TRIM25: variants seen among roughly 807,000 people sequenced by gnomAD.
The protein encoded by TRIM25 is E3 ubiquitin/ISG15 ligase TRIM25.
In TRIM25, 45 loss-of-function variants were observed where a neutral mutation model predicts 65.2. The observed-to-expected ratio is 0.69, with a 90% CI of 0.54 to 0.89. The LOEUF (loss-of-function observed/expected upper bound fraction) is 0.89, where lower values mean the gene tolerates loss of function less well. Ranked by LOEUF, TRIM25 falls within the 40% of genes least tolerant of loss-of-function variation. The pLI is 0.00. For missense variants in TRIM25, 714 were observed against 803.7 expected (o/e 0.89, Z 1.35); for synonymous variants, 321 against 340.4 (o/e 0.94, Z 0.63).
intron 4 of TRIM25, among the ~76,000 whole-genome samples, chr17:56,899,538 G>C (rs1280457102): frequency 1.3e-5 from 2 of 152,134 alleles, no homozygotes; most frequent in East Asian, 3.9e-4. Flanking sequence ...GTCATGTAGC[G>C]GAGGCTGGGT....
rs1474702383 is a variant in TRIM25 at position 56,904,485 on chromosome 17, T to C, written c.697A>G (p.Thr233Ala). 1 of 1,614,032 alleles carries C rather than the reference T, an allele frequency of 6.2e-7. No individual in the cohort carries two copies. The highest frequency in any genetic ancestry group is 8.5e-7 in the Non-Finnish European group (1 of 1,179,974). ...VRNRQQDVRM[T>A]ANRKVEQLQQ... Reference sequence around the variant, plus strand: ...AGCTGCTCCACCTTTCTGTTTGCAGTCATCTGAGAGGGCCAAGGTAAGAGG... The same window carrying C: ...AGCTGCTCCACCTTTCTGTTTGCAGCCATCTGAGAGGGCCAAGGTAAGAGG... Residue 233 changes from threonine (T) to alanine (A), a missense_variant, in exon 3 of 9, where the codon ACT becomes GCT. Thr to Ala is a moderately conservative substitution (Grantham distance 58, BLOSUM62 0). This residue lies in a region of TRIM25 where 413 missense variants were observed against 498.2 expected (regional missense o/e 0.83). Coordinates refer to ENST00000316881, the MANE Select transcript of TRIM25 (RefSeq NM_005082.5).
chr17:56,908,542 T>C lies in TRIM25; in HGVS notation c.619A>G (p.Thr207Ala). ...CCGTTGATCTGACTGTACATGACAG[T>C]TAGTTTGTGCCTCAGGGTGGCCTGC... ...DLEATLRHKL[T>A]VMYSQINGAS... The change falls in exon 2 of 9, where the codon ACT becomes GCT. Residue 207 changes from threonine (T) to alanine (A), a missense_variant. By Grantham distance (58) the Thr-to-Ala change is moderately conservative (BLOSUM62 0). Transcript: ENST00000316881. 1.2e-6 allele frequency: 2 copies of C among 1,613,934 alleles called. No individual in the cohort carries two copies. Among genetic ancestry groups the C allele is most frequent in the Non-Finnish European group, 1.7e-6 (2 of 1,180,004 alleles).
Position 56,891,762 on chromosome 17 carries a change from A to T in TRIM25, c.1831T>A (p.Leu611Met). ...GAAAATACCCAGAAAGCCGGGTACA[A>T]AGCCTCAGTAAAGTCCACCCTGAAC... ...YKFRVDFTEA[L>M]YPAFWVFSAG... The change falls in exon 9 of 9, where the codon TTG (leucine) becomes ATG (methionine). Residue 611 changes from leucine to methionine, a missense_variant. By Grantham distance (15) the Leu-to-Met change is conservative. Around this residue, in one of 3 missense-constraint regions of TRIM25, gnomAD observed 413 missense variants for 498.2 expected, o/e 0.83. Transcript: ENST00000316881. 1 of 1,614,172 alleles carries T rather than the reference A, an allele frequency of 6.2e-7. No individual in the cohort carries two copies. The highest frequency in any genetic ancestry group is 8.5e-7 in the Non-Finnish European group (1 of 1,180,018).
intron 2 of TRIM25, 51 bp downstream of exon 2, chr17:56,908,417 G>T: frequency 6.3e-7 from 1 of 1,579,522 alleles, no homozygotes. Context: ...CCGCGTGGAA[G>T]CTGAGCGAAG....
At position 56,913,273 on chromosome 17, in the gene TRIM25, C is replaced by T. The variant is rs1909664747; in HGVS notation, c.597+119G>A. On this transcript the variant is annotated intron_variant, in intron 1 of 8. Transcript: ENST00000316881. The surrounding 1 kb of genome is among the most constrained non-coding windows in gnomAD (Gnocchi z 6.1). ...TACTCTGACATTGGAGATGCCCCGG[C>T]CTCGAATTCAGGCCCATCTCCCCAG... The T allele has an allele frequency of 7.1e-6, 6 of 846,730 alleles. No individual in the cohort carries two copies. The South Asian group carries it at 1.0e-4, about 14-fold the overall frequency. The allele number at this position is 846,730 out of a possible 1,614,324, so 52.5% of individuals were successfully genotyped here.
intron 2 of TRIM25, among the ~76,000 whole-genome samples, chr17:56,905,022 A>G (rs1909492446): frequency 6.6e-6 from 1 of 152,216 alleles, no homozygotes; most frequent in Non-Finnish European, 1.5e-5. Flanking sequence ...TAAATTCAGG[A>G]GAGTGGTTAC....
chr17:56,903,161 G>T lies in TRIM25; in HGVS notation c.927+1094C>A, dbSNP rs542418125. Among the ~76,000 whole-genome samples, 3 of 152,318 alleles carry T rather than the reference G, an allele frequency of 2.0e-5. No homozygotes were observed. In the East Asian group the frequency reaches 5.8e-4, roughly 29 times the overall value. On this transcript the variant is annotated intron_variant, in intron 3 of 8. Transcript: ENST00000316881. ...CACACCTGTAATCTCAGCACTTTGGGAGGCCGAGGTGGGTGGATCACCTGA... is the reference window on the plus strand; with the variant it reads ...CACACCTGTAATCTCAGCACTTTGGTAGGCCGAGGTGGGTGGATCACCTGA...
chr17:56,901,197 A>G (rs1021516443), intron 4 of TRIM25, among the ~76,000 whole-genome samples: 2 of 152,214 alleles, frequency 1.3e-5, no homozygotes, highest in Non-Finnish European at 2.9e-5. Context: ...AAGTCCAAGC[A>G]TTAACATCAA....
At chr17:56,907,028 A>T (rs1011909685) in intron 2 of TRIM25, among the ~76,000 whole-genome samples, 8 of 152,188 alleles carry the variant, frequency 5.3e-5, no homozygotes, top group Admixed American at 2.0e-4. Flanking sequence ...CACTTGTGTA[A>T]AGGAAAATTG....
chr17:56,891,575 T>TCCC lies in TRIM25; in HGVS notation c.*122_*124dup. 2 of 333,828 alleles carry TCCC rather than the reference T, an allele frequency of 6.0e-6. No individual in the cohort carries two copies. Among genetic ancestry groups the TCCC allele is most frequent in the Non-Finnish European group, 1.0e-5 (2 of 194,172 alleles). The allele number at this position is 333,828 out of a possible 1,614,324, so 20.7% of individuals were successfully genotyped here. The stretch of plus-strand genomic sequence containing the variant: ...TCCCACCTCCCACCCTCCCGCCAGC[T>TCCC]CCCCTCCCATGCTCCCAATCCTTGG... On this transcript the variant is annotated 3_prime_UTR_variant, in exon 9 of 9. Transcript: ENST00000316881.
rs569798098 is a variant in TRIM25, at chr17:56,895,668, T to C, written c.1181-64A>G. The C allele has an allele frequency of 1.7e-5, 25 of 1,467,956 alleles. No individual in the cohort carries two copies. The East Asian group carries it at 5.5e-4, about 32-fold the overall frequency. The allele number at this position is 1,467,956 out of a possible 1,614,324, so 90.9% of individuals were successfully genotyped here. A position where few individuals can be genotyped will look rare whatever the true frequency, so the allele number is the denominator to read the frequency against. ...GGATGGCCTCTACTCCCTTCCACAC[T>C]GATTAAGAGCCACTTCTACAAACAC... On this transcript the variant is annotated intron_variant, in intron 6 of 8. Transcript: ENST00000316881.
intron 1 of TRIM25, among the ~76,000 whole-genome samples, chr17:56,910,333 C>G (rs1340421174): frequency 1.3e-5 from 2 of 152,148 alleles, no homozygotes; most frequent in African/African-American, 4.8e-5. Flanking sequence ...GGACCAAGGC[C>G]ACACTAACTC....
At position 56,888,345 on chromosome 17, in the gene TRIM25, G is replaced by A. The variant is rs1909097348; in HGVS notation, c.*3355C>T. The A allele has an allele frequency of 6.6e-6, 1 of 152,148 alleles. No individual in the cohort carries two copies. Among genetic ancestry groups the A allele is most frequent in the South Asian group, 2.1e-4 (1 of 4,832 alleles). The allele number at this position is 152,148 out of a possible 1,614,324, so 9.4% of individuals were successfully genotyped here. On this transcript the variant is annotated 3_prime_UTR_variant, in exon 9 of 9. Coordinates refer to ENST00000316881, the MANE Select transcript of TRIM25 (RefSeq NM_005082.5). ...TATTACCCTGGAAATGTCAAGGACTGAAAGTCTCCCTCCCAGGAAGCAGGG... is the reference window on the plus strand; with the variant it reads ...TATTACCCTGGAAATGTCAAGGACTAAAAGTCTCCCTCCCAGGAAGCAGGG...
At chr17:56,901,231 G>A (rs1160203481) in intron 4 of TRIM25, among the ~76,000 whole-genome samples, 188 bp downstream of exon 4, 2 of 152,182 alleles carry the variant, frequency 1.3e-5, no homozygotes, top group Non-Finnish European at 2.9e-5. Flanking sequence ...CTTTAGGAAA[G>A]ATCCTAAAAT....
At position 56,895,848 on chromosome 17, in the gene TRIM25, T is replaced by C. The variant is rs1224575825; in HGVS notation, c.1180+78A>G. On this transcript the variant is annotated intron_variant, in intron 6 of 8. Transcript: ENST00000316881. Reference sequence around the variant, plus strand: ...CATCACAGAACCCTGATGAGAGAGGTCGACTCTCACTACCAGCATTTAGTT... The same window carrying C: ...CATCACAGAACCCTGATGAGAGAGGCCGACTCTCACTACCAGCATTTAGTT... 12 of 1,549,286 alleles carry C rather than the reference T, an allele frequency of 7.7e-6. No homozygotes were observed. The Admixed American group carries it at 2.1e-4, about 27-fold the overall frequency.
At position 56,904,354 on chromosome 17, in the gene TRIM25, G is replaced by C. The variant is rs1567841195; in HGVS notation, c.828C>G (p.Thr276=). 6.2e-7 allele frequency: 1 copy of C among 1,614,056 alleles called. No individual in the cohort carries two copies. The highest frequency in any genetic ancestry group is 1.3e-5 in the African/African-American group (1 of 75,002). The change falls in exon 3 of 9, where the codon ACC becomes ACG. Residue 276 remains threonine (T), a synonymous_variant. Coordinates refer to ENST00000316881, the MANE Select transcript of TRIM25 (RefSeq NM_005082.5). ...EEKRVNSKFD[T]IYQILLKKKS... ...TCTTCTTGAGGAGAATCTGATAAAT[G>C]GTGTCAAACTTGCTGTTGACCCTCT...
Position 56,891,951 on chromosome 17 carries a change from A to C in TRIM25, c.1642T>G (p.Ser548Ala). The C allele has an allele frequency of 6.2e-7, 1 of 1,614,130 alleles. No homozygotes were observed. Among genetic ancestry groups the C allele is most frequent in the Non-Finnish European group, 8.5e-7 (1 of 1,180,020 alleles). Residue 548 changes from serine to alanine, a missense_variant, in exon 9 of 9, where the codon TCC becomes GCC. Physicochemically the swap from Ser to Ala is moderately conservative, Grantham distance 99. This residue lies in a region of TRIM25 where 413 missense variants were observed against 498.2 expected (regional missense o/e 0.83). Transcript: ENST00000316881. ...GTGTTGAACCACTCCACGCACCAGG[A>C]GGCGCTGTTGCGGCCGAGCCTGCTT... is the stretch of plus-strand genomic sequence containing the variant. Reference protein sequence around the residue: ...PESRLGRNSASWCVEWFNTKI... With the variant: ...PESRLGRNSAAWCVEWFNTKI...
chr17:56,910,404 C>T (rs1228763908), intron 1 of TRIM25, among the ~76,000 whole-genome samples: 2 of 152,192 alleles, frequency 1.3e-5, no homozygotes, highest in Non-Finnish European at 2.9e-5. Context: ...CACTGCCCTT[C>T]GACCTGGCCT....
At chr17:56,893,153 T>C (rs1308972958) in intron 8 of TRIM25, among the ~76,000 whole-genome samples, 1 of 150,352 alleles carries the variant, frequency 6.7e-6, no homozygotes, top group Non-Finnish European at 1.5e-5. Flanking sequence ...AAGGGAAACA[T>C]GTTGGGGCTA....
Sources: allele counts gnomAD v4.1 joint callset (sites outside exome capture counted in the v4.1 genomes callset), GRCh38; gene constraint gnomAD v4.1.1; regional missense constraint gnomAD v4.1.1; non-coding constraint Gnocchi (gnomAD v3.1); transcripts MANE v1.5; gene names NCBI Gene and HGNC (gene_info 2026-07-23, HGNC 2026-07-21).